The following TTLL7 variants were observed in gnomAD, a reference collection of about 807,000 sequenced individuals.
TTLL7 encodes the protein tubulin tyrosine ligase like 7.
Under a neutral mutation model 120.2 loss-of-function variants are expected in TTLL7, and 53 were observed. The ratio of observed to expected loss-of-function variants is 0.44; its 90% CI spans 0.35 to 0.55. The LOEUF (loss-of-function observed/expected upper bound fraction) is 0.55, where lower values mean the gene tolerates loss of function less well. Ranked by LOEUF, TTLL7 falls within the 20% of genes least tolerant of loss-of-function variation. The pLI, the probability that TTLL7 is intolerant of heterozygous loss-of-function variation, is 0.00. For missense variants in TTLL7, 803 were observed against 1,054.7 expected, an observed-to-expected ratio of 0.76 and a Z score of 3.31; for synonymous variants, 353 against 351.7, an observed-to-expected ratio of 1.00 and a Z score of -0.04.
rs371142383 is a variant in TTLL7, at chr1:83,968,148, T to C, written c.-176-15761A>G. ...CAAAGTGTGAAATGCACCATACCCATGGGCTTATAAAAACAATAACAAACT... is the reference window on the plus strand; with the variant it reads ...CAAAGTGTGAAATGCACCATACCCACGGGCTTATAAAAACAATAACAAACT... On this transcript the variant is annotated intron_variant, in intron 1 of 20. Transcript: ENST00000260505. Among the ~76,000 whole-genome samples, 4 of 152,134 alleles carry C rather than the reference T, an allele frequency of 2.6e-5. No homozygotes were observed. In the South Asian group the frequency reaches 6.2e-4, roughly 24 times the overall value.
chr1:83,900,467 G>C (rs1656626395), intron 18 of TTLL7, among the ~76,000 whole-genome samples: 1 of 152,002 alleles, frequency 6.6e-6, no homozygotes, highest in African/African-American at 2.4e-5. Flanking sequence ...GCTTTGTGAA[G>C]GAGATGGAGC....
At chr1:83,951,177 G>C (rs981175941) in intron 3 of TTLL7, among the ~76,000 whole-genome samples, 61 of 151,976 alleles carry the variant, frequency 4.0e-4, no homozygotes, top group African/African-American at 1.5e-3. Flanking sequence ...GTGAAACCCC[G>C]TCCCTACTAA....
chr1:83,910,104 T>C (rs1468218888), intron 15 of TTLL7, among the ~76,000 whole-genome samples: 1 of 152,120 alleles, frequency 6.6e-6, no homozygotes, highest in Non-Finnish European at 1.5e-5. Context: ...AGATATGAAG[T>C]AGTAGCACAT....
At chr1:83,955,658 T>TA (rs1414848485) in intron 1 of TTLL7, among the ~76,000 whole-genome samples, 2 of 152,170 alleles carry the variant, frequency 1.3e-5, no homozygotes, top group Non-Finnish European at 2.9e-5. Flanking sequence ...GTTTATAAGT[T>TA]ATCCAATTTG....
intron 1 of TTLL7, among the ~76,000 whole-genome samples, chr1:83,961,644 C>T (rs1650028190): frequency 6.6e-6 from 1 of 152,014 alleles, no homozygotes; most frequent in Non-Finnish European, 1.5e-5. Flanking sequence ...ACAGCTATAA[C>T]TCGGTTACTA....
chr1:83,915,190 GA>G (rs1658034333), intron 14 of TTLL7, among the ~76,000 whole-genome samples: 1 of 152,026 alleles, frequency 6.6e-6, no homozygotes, highest in African/African-American at 2.4e-5. Context: ...GGAAAAGCAT[GA>G]AAATACGATA....
intron 20 of TTLL7, among the ~76,000 whole-genome samples, chr1:83,878,406 T>C (rs1294538162): frequency 6.6e-6 from 1 of 151,952 alleles, no homozygotes; most frequent in African/African-American, 2.4e-5. Context: ...TATTTCCTTT[T>C]TGTTTCTGTC....
intron 16 of TTLL7, among the ~76,000 whole-genome samples, chr1:83,907,126 A>G (rs1657257955): frequency 6.6e-6 from 1 of 152,090 alleles, no homozygotes; most frequent in African/African-American, 2.4e-5. Context: ...AAATTTCCTC[A>G]AATTTAAAGA....
At chr1:83,924,955 G>T (rs1218678627) in intron 10 of TTLL7, among the ~76,000 whole-genome samples, 3 of 151,716 alleles carry the variant, frequency 2.0e-5, no homozygotes, top group African/African-American at 4.8e-5. Context: ...ATAATATAAA[G>T]ATCAAAAAGT....
chr1:83,960,012 T>C (rs1213535319), intron 1 of TTLL7, among the ~76,000 whole-genome samples: 7 of 152,134 alleles, frequency 4.6e-5, no homozygotes, highest in South Asian at 2.1e-4. Context: ...GATGATGCAA[T>C]AGGCAGTTCT....
At chr1:83,937,573 T>G (rs980722763) in intron 8 of TTLL7, among the ~76,000 whole-genome samples, 6 of 152,192 alleles carry the variant, frequency 3.9e-5, no homozygotes, top group Admixed American at 3.9e-4. Context: ...GGCTATATGA[T>G]AGCCTAGGTG....
intron 20 of TTLL7, among the ~76,000 whole-genome samples, chr1:83,877,569 T>A (rs1654037484): frequency 6.6e-6 from 1 of 152,022 alleles, no homozygotes; most frequent in South Asian, 2.1e-4. Context: ...TGGTAGTATG[T>A]GTTTTTCTAG....
chr1:83,987,269 A>G (rs1173593688), intron 1 of TTLL7, among the ~76,000 whole-genome samples: 1 of 151,932 alleles, frequency 6.6e-6, no homozygotes, highest in Admixed American at 6.6e-5. Flanking sequence ...AAAAACAAAA[A>G]AAAATTAAAA....
chr1:83,911,566 T>C (rs915742916), intron 14 of TTLL7, among the ~76,000 whole-genome samples: 4 of 152,078 alleles, frequency 2.6e-5, no homozygotes, highest in African/African-American at 7.2e-5. Context: ...CTTTCTTAAA[T>C]GATATAGTCA....
chr1:83,885,533 A>G (rs1214634245), intron 19 of TTLL7, among the ~76,000 whole-genome samples: 1 of 152,034 alleles, frequency 6.6e-6, no homozygotes, highest in African/African-American at 2.4e-5. Context: ...TAAATATATG[A>G]ATCAAGGTCC....
intron 1 of TTLL7, among the ~76,000 whole-genome samples, chr1:83,976,975 A>AT: frequency 6.6e-6 from 1 of 152,142 alleles, no homozygotes; most frequent in East Asian, 1.9e-4. Context: ...ATGTTCGTCT[A>AT]TATTAAGCCA....
chr1:83,891,465 T>C (rs955560308), intron 18 of TTLL7, among the ~76,000 whole-genome samples: 22 of 152,138 alleles, frequency 1.4e-4, no homozygotes, highest in Non-Finnish European at 3.1e-4. Context: ...ACATTGCTAG[T>C]GTGAGTACAG....
chr1:83,907,520 C>G lies in TTLL7; in HGVS notation c.1928G>C (p.Arg643Pro). The change falls in exon 16 of 21, where the codon CGT becomes CCT. Residue 643 changes from arginine to proline, a missense_variant. By Grantham distance (103) the Arg-to-Pro change is moderately radical (BLOSUM62 -2). Transcript: ENST00000260505. Reference protein sequence around the residue: ...TSASRSHSLNRASSYMRHLPH... With the variant: ...TSASRSHSLNPASSYMRHLPH... ...CAGATGCCTCATGTAGGAGGAAGCACGGTTTAAGGAATGTGACCGAGATGC... is the reference window on the plus strand; with the variant it reads ...CAGATGCCTCATGTAGGAGGAAGCAGGGTTTAAGGAATGTGACCGAGATGC... 1.9e-6 allele frequency: 3 copies of G among 1,613,126 alleles called. No individual in the cohort carries two copies. Among genetic ancestry groups the G allele is most frequent in the Non-Finnish European group, 2.5e-6 (3 of 1,179,420 alleles).
intron 18 of TTLL7, among the ~76,000 whole-genome samples, chr1:83,891,932 A>G (rs1474317821): frequency 1.3e-5 from 2 of 151,830 alleles, no homozygotes; most frequent in African/African-American, 4.8e-5. Context: ...GGATCAAGCT[A>G]TCCTCCCATC....
Sources: gnomAD v4.1 joint callset for allele counts (sites outside exome capture counted in the v4.1 genomes callset) on GRCh38, gnomAD v4.1.1 for gene constraint, MANE v1.5 for transcripts, NCBI Gene and HGNC (gene_info 2026-07-23, HGNC 2026-07-21) for gene names.